Variants in MEN1 observed in about 807,000 individuals in gnomAD.
The protein encoded by MEN1 is menin 1, also known as menin.
Under a neutral mutation model 58.0 loss-of-function variants are expected in MEN1, and 6 were observed. The ratio of observed to expected loss-of-function variants is 0.10; its 90% confidence interval spans 0.06 to 0.20. MEN1 has a LOEUF of 0.20. Among genes scored for constraint, MEN1 ranks in the 10% least tolerant of loss-of-function variants. The probability of loss-of-function intolerance (pLI) is 1.00; values close to 1 mark genes in which losing one functional copy is unlikely to be tolerated. For missense variants in MEN1, 492 were observed against 818.5 expected (o/e 0.60, Z 4.87); for synonymous variants, 346 against 350.7 (o/e 0.99, Z 0.15).
rs1192589732 is a variant in MEN1 at position 64,805,706 on chromosome 11, T to A, written c.1114A>T (p.Ile372Phe). The stretch of plus-strand genomic sequence containing the variant: ...GCTGCCTCCTTCAGCAGGTTGGGGA[T>A]GACATCATTGGCTACTTCAAAGAAC... ...KEFFEVANDV[I>F]PNLLKEAASL... The change falls in exon 8 of 10, where the codon ATC (isoleucine) becomes TTC (phenylalanine). Residue 372 changes from isoleucine to phenylalanine, a missense_variant. By Grantham distance (21) the Ile-to-Phe change is conservative (BLOSUM62 0). Transcript: ENST00000450708. 1 of 1,614,212 alleles carries A rather than the reference T, an allele frequency of 6.2e-7. No individual in the cohort carries two copies. The highest frequency in any genetic ancestry group is 2.2e-5 in the East Asian group (1 of 44,888).
rs111895237 is a variant in MEN1, at chr11:64,804,149, G to A, written c.*185C>T. The A allele has an allele frequency of 3.9e-3, 2,823 of 715,460 alleles. 49 individuals are homozygous for A. Among genetic ancestry groups the A allele is most frequent in the South Asian group, 0.032 (1,881 of 59,488 alleles). The allele number at this position is 715,460 out of a possible 1,614,324, so 44.3% of individuals were successfully genotyped here. A position where few individuals can be genotyped will look rare whatever the true frequency, so the allele number is the denominator to read the frequency against. On this transcript the variant is annotated 3_prime_UTR_variant, in exon 10 of 10. Transcript: ENST00000450708. The surrounding 1 kb of genome is among the most constrained non-coding windows in gnomAD (Gnocchi z 4.2). ...GACCTATATTCTAACGACTGGGGCA[G>A]AGCCCTGGGTTCTGAGCTGGAGAAA...
chr11:64,810,400 C>T (rs1334404115), intron 1 of MEN1, 114 bp downstream of exon 1: 1 of 488,930 alleles, frequency 2.0e-6, no homozygotes, highest in Non-Finnish European at 3.7e-6. Flanking sequence ...CAATGGCCGC[C>T]CCGCCCCCTC....
chr11:64,807,169 C>T lies in MEN1; in HGVS notation c.824+10G>A, dbSNP rs2136132296. 1 of 1,614,024 alleles carries T rather than the reference C, an allele frequency of 6.2e-7. No individual in the cohort carries two copies. The highest frequency in any genetic ancestry group is 8.5e-7 in the Non-Finnish European group (1 of 1,179,958). ...CACCAGGCGCAGCCTGGCCACTTCCCTCTACTGACCTTTCCAGATGTCCCA... is the reference window on the plus strand; with the variant it reads ...CACCAGGCGCAGCCTGGCCACTTCCTTCTACTGACCTTTCCAGATGTCCCA... On this transcript the variant is annotated intron_variant, in intron 5 of 9. Transcript: ENST00000450708. The surrounding 1 kb of genome is among the most constrained non-coding windows in gnomAD (Gnocchi z 4.9).
At chr11:64,809,032 C>A (rs1297396771) in intron 2 of MEN1, among the ~76,000 whole-genome samples, 1 of 151,580 alleles carries the variant, frequency 6.6e-6, no homozygotes, top group African/African-American at 2.4e-5. Flanking sequence ...GAGACTGAGG[C>A]GGGCAGATCA....
Position 64,804,127 on chromosome 11 carries a change from C to T in MEN1, c.*207G>A. On this transcript the variant is annotated 3_prime_UTR_variant, in exon 10 of 10. Transcript: ENST00000450708. The surrounding 1 kb of genome is among the most constrained non-coding windows in gnomAD (Gnocchi z 4.2). ...CGGCTGGGATTCTGGGAGAAGAGAC[C>T]TATATTCTAACGACTGGGGCAGAGC... The T allele has an allele frequency of 1.6e-6, 1 of 628,920 alleles. No individual in the cohort carries two copies. Among genetic ancestry groups the T allele is most frequent in the South Asian group, 1.9e-5 (1 of 53,428 alleles). The allele number at this position is 628,920 out of a possible 1,614,324, so 39.0% of individuals were successfully genotyped here. A position where few individuals can be genotyped will look rare whatever the true frequency, so the allele number is the denominator to read the frequency against.
At chr11:64,810,164 G>GGGGGGC in intron 1 of MEN1, 32 bp from the exon 2 acceptor site, 1 of 727,296 alleles carries the variant, frequency 1.4e-6, no homozygotes, top group Admixed American at 2.4e-5. Context: ...GGAGGGTCGG[G>GGGGGGC]CAGGTTCGGC....
Position 64,804,115 on chromosome 11 carries a change from G to A in MEN1, c.*219C>T, listed in dbSNP as rs1941464891. 1 of 602,220 alleles carries A rather than the reference G, an allele frequency of 1.7e-6. No individual in the cohort carries two copies. The highest frequency in any genetic ancestry group is 3.0e-5 in the Admixed American group (1 of 33,636). 37.3% of individuals were successfully genotyped at this position (602,220 alleles called of 1,614,324 possible). A position where few individuals can be genotyped will look rare whatever the true frequency, so the allele number is the denominator to read the frequency against. ...GTTTCCATTGGCCGGCTGGGATTCT[G>A]GGAGAAGAGACCTATATTCTAACGA... On this transcript the variant is annotated 3_prime_UTR_variant, in exon 10 of 10. Transcript: ENST00000450708. This position sits in a 1 kb window ranked among gnomAD's most constrained non-coding sequence, Gnocchi z 4.2.
In MEN1 at chr11:64,806,079, C is replaced by T. The variant is rs1195032619; in HGVS notation, c.1049+153G>A. 3.0e-6 allele frequency: 3 copies of T among 987,390 alleles called. No homozygotes were observed. The East Asian group carries it at 7.6e-5, about 25-fold the overall frequency. The allele number at this position is 987,390 out of a possible 1,614,324, so 61.2% of individuals were successfully genotyped here. On this transcript the variant is annotated intron_variant, in intron 7 of 9. Coordinates refer to ENST00000450708, the MANE Select transcript of MEN1 (RefSeq NM_001370259.2). ...AGATGTGACACCTTAATCAGGGTCC[C>T]TACCTCCTGGGTAATGGTGGCCTTG... is the stretch of plus-strand genomic sequence containing the variant.
In MEN1 at chr11:64,809,777, A is replaced by G. The variant is rs1555166432; in HGVS notation, c.333T>C (p.Gly111=). Residue 111 remains glycine, a synonymous_variant, in exon 2 of 10, where the codon GGT becomes GGC. Coordinates refer to ENST00000450708, the MANE Select transcript of MEN1 (RefSeq NM_001370259.2). ...VDLSLYPREG[G]VSSRELVKKV... ...TCTTCACCAGCTCACGGCTGGAGAC[A>G]CCCCCTTCTCGAGGATAGAGGGACA... The G allele has an allele frequency of 6.2e-7, 1 of 1,613,644 alleles. No homozygotes were observed.
At chr11:64,805,370 C>A (rs756597841) in intron 8 of MEN1, among the ~76,000 whole-genome samples, 172 bp from the exon 9 acceptor site, 1 of 152,190 alleles carries the variant, frequency 6.6e-6, no homozygotes, top group African/African-American at 2.4e-5. Context: ...ATAGCCAGGA[C>A]GTACCATCCC....
rs532712395 is a variant in MEN1 at position 64,810,279 on chromosome 11, C to T, written c.-23-147G>A. On this transcript the variant is annotated intron_variant, in intron 1 of 9. Transcript: ENST00000450708. Reference sequence around the variant, plus strand: ...CAGCCTCTGCTCACCGGCTTCCCCTCTTTTGTCGGTGAGACCCCTCAGCCG... The same window carrying T: ...CAGCCTCTGCTCACCGGCTTCCCCTTTTTTGTCGGTGAGACCCCTCAGCCG... 183 of 619,390 alleles carry T rather than the reference C, an allele frequency of 3.0e-4. 1 individual carries two copies. In the East Asian group the frequency reaches 3.7e-3, roughly 13 times the overall value. The allele number at this position is 619,390 out of a possible 1,614,324, so 38.4% of individuals were successfully genotyped here. A position where few individuals can be genotyped will look rare whatever the true frequency, so the allele number is the denominator to read the frequency against.
intron 8 of MEN1, 42 bp downstream of exon 8, chr11:64,805,593 C>A: frequency 6.2e-7 from 1 of 1,610,622 alleles, no homozygotes; most frequent in South Asian, 1.1e-5. Context: ...GAGCCCTGTC[C>A]AGGTGGGAGG....
Position 64,807,444 on chromosome 11 carries a change from TC to T in MEN1, c.783+107del. On this transcript the variant is annotated intron_variant, in intron 4 of 9. Coordinates refer to ENST00000450708, the MANE Select transcript of MEN1 (RefSeq NM_001370259.2). This position sits in a 1 kb window ranked among gnomAD's most constrained non-coding sequence, Gnocchi z 4.9. ...AGGCCAGGAATTACTAACCCATTTT[TC>T]CAGGAGGGGAAGCTGAAGCTCAGGA... 1 of 1,269,926 alleles carries T rather than the reference TC, an allele frequency of 7.9e-7. No homozygotes were observed. Among genetic ancestry groups the T allele is most frequent in the Non-Finnish European group, 1.1e-6 (1 of 888,834 alleles). 78.7% of individuals were successfully genotyped at this position (1,269,926 alleles called of 1,614,324 possible).
At chr11:64,810,294 C>T (rs1385435256) in intron 1 of MEN1, 162 bp from the exon 2 acceptor site, 1 of 609,260 alleles carries the variant, frequency 1.6e-6, no homozygotes, top group African/African-American at 1.9e-5. Context: ...GTCGGTGAGA[C>T]CCCTCAGCCG....
At chr11:64,809,502 G>C (rs1487337875) in intron 2 of MEN1, 163 bp downstream of exon 2, 8 of 865,430 alleles carry the variant, frequency 9.2e-6, no homozygotes, top group Admixed American at 2.4e-5. Flanking sequence ...TGTGACTTTG[G>C]CATATCATTT....
At chr11:64,805,580 A>G (rs1241697971) in intron 8 of MEN1, 55 bp downstream of exon 8, 1 of 1,605,912 alleles carries the variant, frequency 6.2e-7, no homozygotes, top group Non-Finnish European at 8.5e-7. Context: ...GGCCTGTGGA[A>G]GGGAGCCCTG....
In MEN1 at chr11:64,803,905, G is replaced by A. The variant is rs1941447706; in HGVS notation, c.*429C>T. 2 of 301,648 alleles carry A rather than the reference G, an allele frequency of 6.6e-6. No individual in the cohort carries two copies. The highest frequency in any genetic ancestry group is 1.3e-5 in the Non-Finnish European group (2 of 157,352). The allele number at this position is 301,648 out of a possible 1,614,324, so 18.7% of individuals were successfully genotyped here. A position where few individuals can be genotyped will look rare whatever the true frequency, so the allele number is the denominator to read the frequency against. On this transcript the variant is annotated 3_prime_UTR_variant, in exon 10 of 10. Transcript: ENST00000450708. ...GGAAATATACTCCTAGGGGCTGAGTGGTCCTAGGCTCCCGGGCTGGAGGTG... is the reference window on the plus strand; with the variant it reads ...GGAAATATACTCCTAGGGGCTGAGTAGTCCTAGGCTCCCGGGCTGGAGGTG...
chr11:64,806,817 T>C (rs1488828438), intron 6 of MEN1, among the ~76,000 whole-genome samples, 194 bp downstream of exon 6: 2 of 152,120 alleles, frequency 1.3e-5, no homozygotes, highest in Non-Finnish European at 2.9e-5. Context: ...CCCCTGCCAC[T>C]CCCAGGCTGG....
chr11:64,806,943 C>G (rs1291621860), intron 6 of MEN1, 68 bp downstream of exon 6: 11 of 1,400,792 alleles, frequency 7.9e-6, no homozygotes, highest in Admixed American at 5.1e-5. Context: ...TCTCATCTGC[C>G]CAGATGAGGG....
Sources: allele counts gnomAD v4.1 joint callset (sites outside exome capture counted in the v4.1 genomes callset), GRCh38; gene constraint gnomAD v4.1.1; non-coding constraint Gnocchi (gnomAD v3.1); transcripts MANE v1.5; gene names NCBI Gene and HGNC (gene_info 2026-07-23, HGNC 2026-07-21).